Variants in PADI4 observed in about 807,000 individuals in gnomAD.
PADI4 encodes the protein protein-arginine deiminase type-4.
PADI4 carries 62 observed loss-of-function variants against 75.0 expected under a neutral mutation model. The ratio of observed to expected loss-of-function variants is 0.83; its 90% CI spans 0.67 to 1.02. PADI4 has a LOEUF of 1.02. PADI4 is among the 50% of genes least tolerant of loss of function. The pLI is 0.00. For missense variants in PADI4, 845 were observed against 850.5 expected (o/e 0.99, Z 0.08); for synonymous variants, 361 against 348.1 (o/e 1.04, Z -0.41).
At position 17,356,374 on chromosome 1, in the gene PADI4, G is replaced by A. The variant is rs2074760303; in HGVS notation, c.1473G>A (p.Leu491=). 6.2e-7 allele frequency: 1 copy of A among 1,609,968 alleles called. No individual in the cohort carries two copies. The highest frequency in any genetic ancestry group is 8.5e-7 in the Non-Finnish European group (1 of 1,177,808). The part of the protein sequence containing the change: ...APDRKGFRLL[L]ASPRSCYKLF... ...GCCTCCAGGGCTTCCGGCTGCTCCT[G>A]GCCAGCCCCAGGTCCTGCTACAAAC... The change falls in exon 13 of 16, where the codon CTG becomes CTA. Residue 491 remains leucine (L), a synonymous_variant. Transcript: ENST00000375448. This position sits in a 1 kb window ranked among gnomAD's most constrained non-coding sequence, Gnocchi z 4.1.
intron 1 of PADI4, among the ~76,000 whole-genome samples, chr1:17,314,540 C>T (rs1314039337): frequency 6.6e-6 from 1 of 152,144 alleles, no homozygotes; most frequent in Non-Finnish European, 1.5e-5. Context: ...AGTAGCCGTC[C>T]CATACTGAGC....
At chr1:17,347,213 A>G (rs2074532613) in intron 9 of PADI4, among the ~76,000 whole-genome samples, 1 of 152,202 alleles carries the variant, frequency 6.6e-6, no homozygotes, top group Non-Finnish European at 1.5e-5. Flanking sequence ...CTGGGCTTAC[A>G]GGCATGAGTT....
chr1:17,359,300 C>A lies in PADI4; in HGVS notation c.1650C>A (p.Arg550=), dbSNP rs766898905. 1.9e-6 allele frequency: 3 copies of A among 1,613,524 alleles called. No homozygotes were observed. The highest frequency in any genetic ancestry group is 2.2e-5 in the South Asian group (2 of 91,030). ...CCAAGAGATGCATCGACTGGAACCG[C>A]GAGCTGCTGAAGCGGGAGCTGGGCC... The part of the protein sequence containing the change: ...SFVERCIDWN[R]ELLKRELGLA... Residue 550 remains arginine (R), a synonymous_variant, in exon 15 of 16, where the codon CGC becomes CGA. Coordinates refer to ENST00000375448, the MANE Select transcript of PADI4 (RefSeq NM_012387.3).
At chr1:17,355,950 G>A in intron 11 of PADI4, 33 bp from the exon 12 acceptor site, 1 of 1,613,784 alleles carries the variant, frequency 6.2e-7, no homozygotes, top group Non-Finnish European at 8.5e-7. Context: ...AGCCCTTGCT[G>A]CCGATAACAC....
intron 13 of PADI4, among the ~76,000 whole-genome samples, chr1:17,357,713 A>AT (rs1174480895): frequency 6.6e-6 from 1 of 151,956 alleles, no homozygotes; most frequent in Non-Finnish European, 1.5e-5. Flanking sequence ...CGGGTGGATC[A>AT]CGAGTTCAGG....
At chr1:17,326,655 A>G (rs919820789) in intron 1 of PADI4, among the ~76,000 whole-genome samples, 1 of 152,192 alleles carries the variant, frequency 6.6e-6, no homozygotes, top group Admixed American at 6.5e-5. Flanking sequence ...ACTTTTTTAA[A>G]TGACCCATGA....
At chr1:17,340,648 A>C (rs544853215) in intron 6 of PADI4, among the ~76,000 whole-genome samples, 1 of 149,308 alleles carries the variant, frequency 6.7e-6, no homozygotes, top group South Asian at 2.1e-4. Context: ...GACAGGGCAG[A>C]GGGGAAGGGG....
chr1:17,314,719 C>T (rs955048381), intron 1 of PADI4, among the ~76,000 whole-genome samples: 2 of 152,172 alleles, frequency 1.3e-5, no homozygotes, highest in East Asian at 1.9e-4. Context: ...TCACTCCCTT[C>T]GAGGCTGCCT....
intron 1 of PADI4, among the ~76,000 whole-genome samples, chr1:17,322,470 C>A (rs2074045792): frequency 7.5e-6 from 1 of 134,164 alleles, no homozygotes; most frequent in South Asian, 2.7e-4. Flanking sequence ...GCCTGGGTGA[C>A]AGAGTGAGAC....
At chr1:17,310,124 A>G (rs2073793799) in intron 1 of PADI4, among the ~76,000 whole-genome samples, 1 of 152,192 alleles carries the variant, frequency 6.6e-6, no homozygotes, top group Non-Finnish European at 1.5e-5. Context: ...TATCCCCTGA[A>G]CATCTCACGT....
In PADI4 at chr1:17,347,988, C is replaced by A; in HGVS notation, c.1095C>A (p.Pro365=). 6.2e-7 allele frequency: 1 copy of A among 1,607,728 alleles called. No individual in the cohort carries two copies. The highest frequency in any genetic ancestry group is 8.5e-7 in the Non-Finnish European group (1 of 1,175,964). The change falls in exon 10 of 16, where the codon CCC becomes CCA. Residue 365 remains proline (P), a synonymous_variant. Coordinates refer to ENST00000375448, the MANE Select transcript of PADI4 (RefSeq NM_012387.3). ...TCCAAGCCCCACACAAAACGCTGCC[C>A]GTGGTCTTCGACTCTCCAAGGAACA... ...GYIQAPHKTL[P]VVFDSPRNRG...
At chr1:17,323,451 T>C (rs1180066080) in intron 1 of PADI4, among the ~76,000 whole-genome samples, 1 of 152,226 alleles carries the variant, frequency 6.6e-6, no homozygotes, top group Non-Finnish European at 1.5e-5. Context: ...GTCCACCATA[T>C]ACTTTTCCTG....
At chr1:17,330,887 C>T (rs1248147287) in intron 1 of PADI4, 82 bp from the exon 2 acceptor site, 30 of 892,478 alleles carry the variant, frequency 3.4e-5, no homozygotes, top group Non-Finnish European at 4.7e-5. Context: ...TTAACCATCA[C>T]AAGGAGAAAT....
chr1:17,356,580 C>T lies in PADI4; in HGVS notation c.1558+121C>T. 1 of 649,040 alleles carries T rather than the reference C, an allele frequency of 1.5e-6. No homozygotes were observed. The highest frequency in any genetic ancestry group is 2.8e-6 in the Non-Finnish European group (1 of 359,560). The allele number at this position is 649,040 out of a possible 1,614,324, so 40.2% of individuals were successfully genotyped here. A position where few individuals can be genotyped will look rare whatever the true frequency, so the allele number is the denominator to read the frequency against. On this transcript the variant is annotated intron_variant, in intron 13 of 15. Transcript: ENST00000375448. This position sits in a 1 kb window ranked among gnomAD's most constrained non-coding sequence, Gnocchi z 4.1. ...ATCTGAGCACCTACTGTGCGCCAGG[C>T]ACTGTGCCAAGTGCTAGGGAGACTG...
At chr1:17,358,154 A>G (rs1425642942) in intron 13 of PADI4, among the ~76,000 whole-genome samples, 1 of 152,030 alleles carries the variant, frequency 6.6e-6, no homozygotes, top group East Asian at 1.9e-4. Context: ...AGGCTGAGGC[A>G]GGAGAATCGC....
chr1:17,316,690 AAAAT>A (rs1553142312), intron 1 of PADI4, among the ~76,000 whole-genome samples: 248 of 122,506 alleles, frequency 2.0e-3, no homozygotes, highest in African/African-American at 7.3e-3. Flanking sequence ...ACTCCGTCTC[AAAAT>A]AAATAAATAA....
chr1:17,330,868 C>T, intron 1 of PADI4, 101 bp from the exon 2 acceptor site: 2 of 742,952 alleles, frequency 2.7e-6, no homozygotes, highest in South Asian at 4.0e-5. Flanking sequence ...AACAAGCTGA[C>T]ACCTAATATT....
At chr1:17,335,962 C>T (rs1343611303) in intron 3 of PADI4, among the ~76,000 whole-genome samples, 197 bp from the exon 4 acceptor site, 2 of 152,352 alleles carry the variant, frequency 1.3e-5, no homozygotes, top group East Asian at 1.9e-4. Flanking sequence ...CTCTGCTGTC[C>T]GAACTGTAGC....
chr1:17,338,029 G>A lies in PADI4; in HGVS notation c.409-9G>A. On this transcript the variant is annotated splice_polypyrimidine_tract_variant and intron_variant, in intron 4 of 15. Transcript: ENST00000375448. ...TTTCTGAGCATGACTCTTCCCTGCTGGTGTCCAGAGGACCTGGACCTGGGG... is the reference window on the plus strand; with the variant it reads ...TTTCTGAGCATGACTCTTCCCTGCTAGTGTCCAGAGGACCTGGACCTGGGG... 2 of 1,554,868 alleles carry A rather than the reference G, an allele frequency of 1.3e-6. No individual in the cohort carries two copies. The highest frequency in any genetic ancestry group is 1.8e-6 in the Non-Finnish European group (2 of 1,126,046).
Sources: allele counts gnomAD v4.1 joint callset (sites outside exome capture counted in the v4.1 genomes callset), GRCh38; gene constraint gnomAD v4.1.1; non-coding constraint Gnocchi (gnomAD v3.1); transcripts MANE v1.5; gene names NCBI Gene and HGNC (gene_info 2026-07-23, HGNC 2026-07-21).